The following DIP2C variants were observed in gnomAD, a reference collection of about 807,000 sequenced individuals.
The protein encoded by DIP2C is DIP2 acetate--CoA ligase C (putative).
Under a neutral mutation model 192.4 loss-of-function variants are expected in DIP2C, and 33 were observed. That is an observed-to-expected ratio of 0.17 (90% CI 0.13 to 0.23). The LOEUF (loss-of-function observed/expected upper bound fraction) is 0.23. Ranked by LOEUF, DIP2C falls within the 10% of genes least tolerant of loss-of-function variation. The pLI is 1.00. For synonymous variants in DIP2C, 979 were observed against 864.1 expected, an observed-to-expected ratio of 1.13 and a Z score of -2.33; for missense variants, 1,537 against 2,110.1, an observed-to-expected ratio of 0.73 and a Z score of 5.32.
intron 1 of DIP2C, among the ~76,000 whole-genome samples, chr10:552,011 C>A (rs1395890803): frequency 6.6e-6 from 1 of 152,228 alleles, no homozygotes; most frequent in African/African-American, 2.4e-5. Flanking sequence ...GAGGGCTTCT[C>A]AAGTCTCTTC....
chr10:548,427 C>G (rs1034023843), intron 1 of DIP2C, among the ~76,000 whole-genome samples: 4 of 124,406 alleles, frequency 3.2e-5, no homozygotes, highest in African/African-American at 1.2e-4. Context: ...GCAGGAGCCG[C>G]GGAGGCCACC....
chr10:361,688 A>G (rs926364049), intron 22 of DIP2C, among the ~76,000 whole-genome samples: 1 of 152,158 alleles, frequency 6.6e-6, no homozygotes, highest in African/African-American at 2.4e-5. Context: ...ACACCATTAT[A>G]AATCTTCATA....
intron 1 of DIP2C, among the ~76,000 whole-genome samples, chr10:497,934 C>G (rs961906814): frequency 1.3e-5 from 2 of 152,210 alleles, no homozygotes; most frequent in Admixed American, 6.5e-5. Flanking sequence ...TGCAGTGGTG[C>G]AGTCACAGCT....
intron 1 of DIP2C, among the ~76,000 whole-genome samples, chr10:606,832 T>C (rs548411496): frequency 6.6e-6 from 1 of 152,090 alleles, no homozygotes; most frequent in East Asian, 1.9e-4. Flanking sequence ...ATCTGACATC[T>C]GGTGGGCGTC....
intron 24 of DIP2C, 120 bp downstream of exon 24, chr10:356,306 T>C (rs1450019751): frequency 8.4e-7 from 1 of 1,184,774 alleles, no homozygotes; most frequent in East Asian, 2.3e-5. Context: ...TAGCAAAACA[T>C]AAAAAGAATT....
intron 17 of DIP2C, among the ~76,000 whole-genome samples, chr10:370,627 CA>C (rs748846484): frequency 1.8e-4 from 27 of 152,166 alleles, no homozygotes; most frequent in Non-Finnish European, 3.7e-4. Context: ...AATTTGCGAA[CA>C]AATAAGTTAA....
At chr10:486,066 C>T (rs975374810) in intron 2 of DIP2C, among the ~76,000 whole-genome samples, 1 of 152,258 alleles carries the variant, frequency 6.6e-6, no homozygotes, top group African/African-American at 2.4e-5. Context: ...GGCGGGGTAT[C>T]ACAGCACTGT....
intron 1 of DIP2C, among the ~76,000 whole-genome samples, chr10:575,812 G>A (rs751021996): frequency 1.8e-4 from 27 of 152,206 alleles, no homozygotes; most frequent in Non-Finnish European, 3.4e-4. Flanking sequence ...ACTAGGAAGC[G>A]CAAGGAGCCA....
intron 29 of DIP2C, among the ~76,000 whole-genome samples, chr10:336,960 T>TG (rs1957813872): frequency 2.0e-5 from 1 of 50,582 alleles, no homozygotes; most frequent in Non-Finnish European, 6.4e-5. Flanking sequence ...TGTGTGTGTG[T>TG]TGTGGAGGCC....
At chr10:655,597 C>A (rs968098815) in intron 1 of DIP2C, among the ~76,000 whole-genome samples, 4 of 152,178 alleles carry the variant, frequency 2.6e-5, no homozygotes, top group African/African-American at 9.7e-5. Flanking sequence ...CTTTGCGACT[C>A]TACTACTGCA....
intron 1 of DIP2C, among the ~76,000 whole-genome samples, chr10:604,441 ACT>A (rs1330986562): frequency 2.0e-5 from 3 of 152,202 alleles, no homozygotes; most frequent in Admixed American, 6.5e-5. Flanking sequence ...AATCAATGTA[ACT>A]CAACATCTGA....
At chr10:674,789 T>TATATATAGAGAGAGAGAG in intron 1 of DIP2C, among the ~76,000 whole-genome samples, 3 of 62,486 alleles carry the variant, frequency 4.8e-5, no homozygotes, top group Admixed American at 2.0e-4. Flanking sequence ...TATATATATA[T>TATATATAGAGAGAGAGAG]AGAGAGAGAG....
chr10:391,412 A>G (rs1963446333), intron 10 of DIP2C, among the ~76,000 whole-genome samples: 1 of 152,236 alleles, frequency 6.6e-6, no homozygotes, highest in African/African-American at 2.4e-5. Context: ...TCAACGAACT[A>G]ACTGAAGCTT....
chr10:463,752 G>T (rs1246972650), intron 3 of DIP2C, among the ~76,000 whole-genome samples: 1 of 152,106 alleles, frequency 6.6e-6, no homozygotes, highest in Non-Finnish European at 1.5e-5. Context: ...TATAGACAAG[G>T]CTACAGTAAC....
At chr10:578,952 G>C (rs971006969) in intron 1 of DIP2C, among the ~76,000 whole-genome samples, 1 of 151,984 alleles carries the variant, frequency 6.6e-6, no homozygotes, top group Non-Finnish European at 1.5e-5. Context: ...TACGTGCATA[G>C]AGCATTCACA....
rs147046414 is a variant in DIP2C at position 680,422 on chromosome 10, T to C, written c.85+9072A>G. On this transcript the variant is annotated intron_variant, in intron 1 of 36. Coordinates refer to ENST00000280886, the MANE Select transcript of DIP2C (RefSeq NM_014974.3). ...CTTCAATGTACTTGACACCCTTCCA[T>C]GAGGATTAAGCTACACTGTCCGCAC... is the stretch of plus-strand genomic sequence containing the variant. 2.1e-3 allele frequency among the ~76,000 whole-genome samples: 324 copies of C among 152,244 alleles called. 1 individual carries two copies. The highest frequency in any genetic ancestry group is 6.8e-3 in the Middle Eastern group (2 of 294).
At chr10:581,927 T>C (rs1850694026) in intron 1 of DIP2C, among the ~76,000 whole-genome samples, 1 of 152,106 alleles carries the variant, frequency 6.6e-6, no homozygotes, top group South Asian at 2.1e-4. Flanking sequence ...ACGACAATTT[T>C]TCTGGGGGGT....
intron 1 of DIP2C, among the ~76,000 whole-genome samples, chr10:594,910 T>G (rs996519256): frequency 1.3e-5 from 2 of 152,216 alleles, no homozygotes; most frequent in South Asian, 4.1e-4. Context: ...TTAGCTAATT[T>G]CACTTCCCAG....
chr10:589,425 AC>A (rs1851275734), intron 1 of DIP2C, among the ~76,000 whole-genome samples: 1 of 152,168 alleles, frequency 6.6e-6, no homozygotes. Flanking sequence ...CAAGGTCTCG[AC>A]GATTTCCATT....
Sources: allele counts gnomAD v4.1 joint callset (sites outside exome capture counted in the v4.1 genomes callset), GRCh38; gene constraint gnomAD v4.1.1; transcripts MANE v1.5; gene names NCBI Gene and HGNC (gene_info 2026-07-23, HGNC 2026-07-21).